PHF21B: variants seen among roughly 807,000 people sequenced by gnomAD.
PHF21B encodes PHD finger protein 4.
In PHF21B, 22 loss-of-function variants were observed where a neutral mutation model predicts 62.2. That is an observed-to-expected ratio of 0.35 (90% CI 0.25 to 0.51). The LOEUF (loss-of-function observed/expected upper bound fraction) is 0.51, where lower values mean the gene tolerates loss of function less well. Ranked by LOEUF, PHF21B falls within the 20% of genes least tolerant of loss-of-function variation. PHF21B has a pLI of 0.97. For synonymous variants in PHF21B, 341 were observed against 314.7 expected, an observed-to-expected ratio of 1.08 and a Z score of -0.88; for missense variants, 701 against 707.9, an observed-to-expected ratio of 0.99 and a Z score of 0.11.
intron 5 of PHF21B, among the ~76,000 whole-genome samples, chr22:44,904,336 A>G (rs543667469): frequency 6.6e-6 from 1 of 152,244 alleles, no homozygotes. Flanking sequence ...ATAATTTAAC[A>G]GTCTATACAC....
chr22:44,940,708 C>T (rs563173861), intron 2 of PHF21B, among the ~76,000 whole-genome samples: 10 of 152,268 alleles, frequency 6.6e-5, no homozygotes, highest in Admixed American at 1.3e-4. Context: ...ACCTAGAAGG[C>T]GAAGGGGCCG....
chr22:44,964,426 G>T (rs1162744241), intron 2 of PHF21B, among the ~76,000 whole-genome samples: 1 of 152,184 alleles, frequency 6.6e-6, no homozygotes, highest in African/African-American at 2.4e-5. Flanking sequence ...AGCAGCTCAG[G>T]CCCGGCCATT....
chr22:44,961,873 T>TA (rs1181161649), intron 2 of PHF21B, among the ~76,000 whole-genome samples: 3 of 151,200 alleles, frequency 2.0e-5, no homozygotes, highest in South Asian at 2.1e-4. Context: ...AATAAATAAA[T>TA]AAATAAATAA....
chr22:44,905,941 T>G (rs2071242308), intron 5 of PHF21B, among the ~76,000 whole-genome samples: 1 of 152,238 alleles, frequency 6.6e-6, no homozygotes, highest in African/African-American at 2.4e-5. Context: ...TACCCTTCCC[T>G]TTCAGCAAGT....
intron 5 of PHF21B, chr22:44,901,581 C>A: frequency 3.4e-6 from 1 of 293,480 alleles, no homozygotes; most frequent in South Asian, 1.1e-4. Context: ...TTCTCTTTCC[C>A]ATCTTGCAAG....
chr22:44,953,093 C>T (rs1332345098), intron 2 of PHF21B, among the ~76,000 whole-genome samples: 1 of 152,164 alleles, frequency 6.6e-6, no homozygotes, highest in Non-Finnish European at 1.5e-5. Flanking sequence ...CTGAGCAGCC[C>T]CTTCCTCTCT....
Position 44,927,210 on chromosome 22 carries a change from A to T in PHF21B, c.121-6720T>A, listed in dbSNP as rs1477236995. 5.3e-5 allele frequency among the ~76,000 whole-genome samples: 8 copies of T among 152,044 alleles called. No homozygotes were observed. In the East Asian group the frequency reaches 1.4e-3, roughly 26 times the overall value. On this transcript the variant is annotated intron_variant, in intron 2 of 12. Coordinates refer to ENST00000313237, the MANE Select transcript of PHF21B (RefSeq NM_138415.5). ...TCCCTAGTCAGTTACCAAGAAAGGG[A>T]CACAACCCGCCCTGGGGAAACGTCC...
intron 2 of PHF21B, among the ~76,000 whole-genome samples, chr22:44,946,635 A>ATGGG (rs1569246197): frequency 4.6e-5 from 7 of 151,520 alleles, no homozygotes; most frequent in Non-Finnish European, 7.4e-5. Flanking sequence ...GGGTGGATGG[A>ATGGG]TGGATGGGTG....
chr22:44,946,693 T>C (rs1285588665), intron 2 of PHF21B, among the ~76,000 whole-genome samples: 1 of 152,014 alleles, frequency 6.6e-6, no homozygotes, highest in Non-Finnish European at 1.5e-5. Flanking sequence ...TGCAGAAGAC[T>C]CTCCTGCCTC....
intron 2 of PHF21B, among the ~76,000 whole-genome samples, chr22:44,948,891 C>T (rs879631218): frequency 1.3e-5 from 2 of 152,224 alleles, no homozygotes; most frequent in Non-Finnish European, 2.9e-5. Context: ...GCAGTTGATC[C>T]TCTTCTAGCA....
chr22:44,950,841 GC>G (rs1364224782), intron 2 of PHF21B, among the ~76,000 whole-genome samples: 1 of 152,170 alleles, frequency 6.6e-6, no homozygotes, highest in African/African-American at 2.4e-5. Context: ...TTTCAAAGAA[GC>G]TCTCCAGAGA....
intron 2 of PHF21B, among the ~76,000 whole-genome samples, chr22:45,001,585 A>AT (rs1445256986): frequency 6.6e-6 from 1 of 152,234 alleles, no homozygotes; most frequent in Non-Finnish European, 1.5e-5. Context: ...TGTGGGCTAT[A>AT]TCAAGTGAAA....
intron 2 of PHF21B, chr22:45,000,510 A>G (rs2073196300): frequency 6.6e-6 from 1 of 152,224 alleles, no homozygotes; most frequent in African/African-American, 2.4e-5. Flanking sequence ...GTAAATCACA[A>G]GGCTAATCAT....
intron 12 of PHF21B, 42 bp downstream of exon 12, chr22:44,885,384 C>A: frequency 6.6e-7 from 1 of 1,526,496 alleles, no homozygotes; most frequent in Non-Finnish European, 8.8e-7. Flanking sequence ...CGGGGCACAC[C>A]TGCAGGGCTG....
At chr22:44,933,632 C>G (rs1234213913) in intron 2 of PHF21B, 1 of 695,628 alleles carries the variant, frequency 1.4e-6, no homozygotes, top group Non-Finnish European at 1.8e-6. Context: ...GGTGGGGGAG[C>G]CGTCTGAGGT....
At chr22:44,903,009 G>A (rs926008888) in intron 5 of PHF21B, among the ~76,000 whole-genome samples, 16 of 152,108 alleles carry the variant, frequency 1.1e-4, no homozygotes, top group African/African-American at 2.9e-4. Flanking sequence ...GGTTAACCAC[G>A]CCTCCTCTGC....
At position 44,913,966 on chromosome 22, in the gene PHF21B, G is replaced by A; in HGVS notation, c.687C>T (p.Phe229=). 2.1e-6 allele frequency: 3 copies of A among 1,446,500 alleles called. No individual in the cohort carries two copies. The highest frequency in any genetic ancestry group is 2.8e-6 in the Non-Finnish European group (3 of 1,074,184). 89.6% of individuals were successfully genotyped at this position (1,446,500 alleles called of 1,614,324 possible). Residue 229 remains phenylalanine (F), a synonymous_variant, in exon 5 of 13, where the codon TTC becomes TTT. Transcript: ENST00000313237. ...CTTGAGGCTGAATGATGATGACCTG[G>A]AAGATGCCATGGAGGGGTGAAGGGG... is the stretch of plus-strand genomic sequence containing the variant. ...SLSPSPLHGI[F]QVIIIQPQVQ...
At chr22:44,956,675 C>A (rs2072304559) in intron 2 of PHF21B, among the ~76,000 whole-genome samples, 1 of 152,136 alleles carries the variant, frequency 6.6e-6, no homozygotes, top group South Asian at 2.1e-4. Flanking sequence ...AGGTCTGAAG[C>A]CCAAGGCCAG....
intron 3 of PHF21B, among the ~76,000 whole-genome samples, chr22:44,920,110 T>C (rs899186874): frequency 1.3e-5 from 2 of 152,272 alleles, no homozygotes; most frequent in Non-Finnish European, 2.9e-5. Context: ...AGGATGCATA[T>C]CTTGATATTT....
Sources: gnomAD v4.1 joint callset for allele counts (sites outside exome capture counted in the v4.1 genomes callset) on GRCh38, gnomAD v4.1.1 for gene constraint, MANE v1.5 for transcripts, NCBI Gene and HGNC (gene_info 2026-07-23, HGNC 2026-07-21) for gene names.